Variants in CRACDL observed in about 807,000 individuals in gnomAD.
CRACDL encodes CRACD-like protein.
In CRACDL, 26 loss-of-function variants were observed where a neutral mutation model predicts 70.6. The observed-to-expected ratio is 0.37, with a 90% CI of 0.27 to 0.51. The LOEUF is 0.51. CRACDL is among the 20% of genes least tolerant of loss of function. CRACDL has a pLI of 0.94. For synonymous variants in CRACDL, 618 were observed against 615.2 expected, an observed-to-expected ratio of 1.00 and a Z score of -0.07; for missense variants, 1,283 against 1,376.9, an observed-to-expected ratio of 0.93 and a Z score of 1.08.
At chr2:98,928,077 C>T (rs554620459) in intron 1 of CRACDL, among the ~76,000 whole-genome samples, 18 of 151,832 alleles carry the variant, frequency 1.2e-4, no homozygotes, top group Non-Finnish European at 2.1e-4. Context: ...CCCAGCTACT[C>T]GAGAGGCTGA....
At chr2:98,892,902 T>C (rs1353990616) in intron 1 of CRACDL, among the ~76,000 whole-genome samples, 3 of 152,192 alleles carry the variant, frequency 2.0e-5, no homozygotes, top group Non-Finnish European at 4.4e-5. Context: ...AAACTCACTC[T>C]GTGGCCCTGC....
chr2:98,882,780 C>T (rs1323870475), intron 1 of CRACDL, among the ~76,000 whole-genome samples: 9 of 152,144 alleles, frequency 5.9e-5, no homozygotes, highest in South Asian at 2.1e-4. Context: ...TGTTTGGTTC[C>T]ATTTTTAGAT....
At chr2:98,930,882 T>C (rs1709056149) in intron 1 of CRACDL, among the ~76,000 whole-genome samples, 2 of 152,158 alleles carry the variant, frequency 1.3e-5, no homozygotes, top group African/African-American at 4.8e-5. Flanking sequence ...GTAATACCTA[T>C]AAATAATTTA....
At chr2:98,824,914 TTGA>T (rs1705242232) in intron 6 of CRACDL, among the ~76,000 whole-genome samples, 1 of 152,210 alleles carries the variant, frequency 6.6e-6, no homozygotes, top group African/African-American at 2.4e-5. Context: ...CTTTGCCATG[TTGA>T]TGGCCTTCTG....
At chr2:98,827,979 T>C (rs1388833067) in intron 5 of CRACDL, among the ~76,000 whole-genome samples, 1 of 152,262 alleles carries the variant, frequency 6.6e-6, no homozygotes, top group Non-Finnish European at 1.5e-5. Flanking sequence ...TCATGTATCC[T>C]TTTGAAGAAA....
At chr2:98,905,836 C>G (rs1573180540) in intron 1 of CRACDL, among the ~76,000 whole-genome samples, 1 of 152,082 alleles carries the variant, frequency 6.6e-6, no homozygotes. Context: ...AGGCTGGTCT[C>G]GAACTCCTGA....
At chr2:98,895,297 A>G (rs1189731680) in intron 1 of CRACDL, among the ~76,000 whole-genome samples, 1 of 152,212 alleles carries the variant, frequency 6.6e-6, no homozygotes, top group Non-Finnish European at 1.5e-5. Context: ...ATCTAGAATT[A>G]TGACACACAC....
chr2:98,926,826 G>A (rs533626214), intron 1 of CRACDL, among the ~76,000 whole-genome samples: 16 of 152,296 alleles, frequency 1.1e-4, no homozygotes, highest in East Asian at 5.8e-4. Flanking sequence ...CGCCTGCAGC[G>A]AAGGGTTGCT....
At chr2:98,869,043 C>T in intron 1 of CRACDL, 1 of 1,281,782 alleles carries the variant, frequency 7.8e-7, no homozygotes, top group African/African-American at 1.5e-5. Context: ...CCTCGCGACT[C>T]TCCCCCACCA....
At chr2:98,926,148 T>G (rs1218974131) in intron 1 of CRACDL, among the ~76,000 whole-genome samples, 1 of 152,330 alleles carries the variant, frequency 6.6e-6, no homozygotes, top group African/African-American at 2.4e-5. Flanking sequence ...GAAAACCAGC[T>G]GTTACATATA....
chr2:98,849,869 G>T (rs913518906), intron 1 of CRACDL, among the ~76,000 whole-genome samples: 1 of 152,146 alleles, frequency 6.6e-6, no homozygotes, highest in African/African-American at 2.4e-5. Context: ...CAGTCCCGGG[G>T]TGGCATCTTC....
At chr2:98,894,945 A>G (rs1211438619) in intron 1 of CRACDL, among the ~76,000 whole-genome samples, 2 of 152,074 alleles carry the variant, frequency 1.3e-5, no homozygotes, top group Non-Finnish European at 2.9e-5. Flanking sequence ...AACTTTACAA[A>G]CACAAAAAAT....
chr2:98,905,265 A>AGG (rs35102905), intron 1 of CRACDL, among the ~76,000 whole-genome samples: 2 of 143,272 alleles, frequency 1.4e-5, no homozygotes, highest in African/African-American at 5.3e-5. Context: ...AAAAAAAAAA[A>AGG]AGAGAGGCTG....
chr2:98,898,598 G>T (rs146099310), intron 1 of CRACDL, among the ~76,000 whole-genome samples: 1 of 152,146 alleles, frequency 6.6e-6, no homozygotes, highest in Non-Finnish European at 1.5e-5. Context: ...GCCTGCCCTC[G>T]TCTGCCCAGA....
rs182676295 is a variant in CRACDL, at chr2:98,836,276, T to G, written c.239+1843A>C. On this transcript the variant is annotated intron_variant, in intron 3 of 9. Coordinates refer to ENST00000397899, the MANE Select transcript of CRACDL (RefSeq NM_207362.3). ...ACTAATGTGCCTTAGTAAATGGAGCTGTTTTCCCCACAGTGATGGATGAGA... is the reference window on the plus strand; with the variant it reads ...ACTAATGTGCCTTAGTAAATGGAGCGGTTTTCCCCACAGTGATGGATGAGA... Among the ~76,000 whole-genome samples the G allele has an allele frequency of 2.6e-4, 39 of 152,300 alleles. 1 individual carries two copies. Among genetic ancestry groups the G allele is most frequent in the African/African-American group, 9.4e-4 (39 of 41,570 alleles).
chr2:98,803,251 C>T (rs1485193024), intron 7 of CRACDL, among the ~76,000 whole-genome samples: 3 of 152,154 alleles, frequency 2.0e-5, no homozygotes, highest in Non-Finnish European at 4.4e-5. Flanking sequence ...CCACCCGCCT[C>T]AGCCTCCCAA....
At chr2:98,875,221 G>T (rs1238811349) in intron 1 of CRACDL, among the ~76,000 whole-genome samples, 1 of 152,244 alleles carries the variant, frequency 6.6e-6, no homozygotes, top group Non-Finnish European at 1.5e-5. Context: ...ACAGAAGAGA[G>T]TGTGGTCGGG....
intron 7 of CRACDL, among the ~76,000 whole-genome samples, chr2:98,820,167 C>T (rs966051471): frequency 5.3e-5 from 8 of 152,010 alleles, no homozygotes; most frequent in Admixed American, 2.0e-4. Flanking sequence ...CTCCCTAGGG[C>T]CCCCATCACA....
At chr2:98,882,466 G>A (rs925392696) in intron 1 of CRACDL, among the ~76,000 whole-genome samples, 1 of 152,208 alleles carries the variant, frequency 6.6e-6, no homozygotes, top group Non-Finnish European at 1.5e-5. Context: ...ATTGTTGCAA[G>A]AGAATATTTC....
Sources: allele counts gnomAD v4.1 joint callset (sites outside exome capture counted in the v4.1 genomes callset), GRCh38; gene constraint gnomAD v4.1.1; transcripts MANE v1.5; gene names NCBI Gene and HGNC (gene_info 2026-07-23, HGNC 2026-07-21).